AFTPH: variants seen among roughly 807,000 people sequenced by gnomAD.
AFTPH encodes aftiphilin protein.
AFTPH carries 7 observed loss-of-function variants against 72.5 expected under a neutral mutation model. That is an observed-to-expected ratio of 0.10 (90% CI 0.05 to 0.18). The LOEUF (loss-of-function observed/expected upper bound fraction) is 0.18, where lower values mean the gene tolerates loss of function less well. AFTPH is among the 10% of genes least tolerant of loss of function. The pLI is 1.00. For missense variants in AFTPH, 979 were observed against 1,060.5 expected (o/e 0.92, Z 1.07); for synonymous variants, 337 against 370.1 (o/e 0.91, Z 1.03).
At chr2:64,532,383 A>G (rs1260660678) in intron 1 of AFTPH, among the ~76,000 whole-genome samples, 5 of 152,344 alleles carry the variant, frequency 3.3e-5, no homozygotes, top group East Asian at 1.9e-4. Context: ...GGCATGATCA[A>G]ATTTGACTTT....
At chr2:64,552,527 A>T in exon 2 of AFTPH, 1 of 1,614,112 alleles carries the variant, frequency 6.2e-7, no homozygotes, top group Admixed American at 1.7e-5. Flanking sequence ...GGAGAGAACA[A>T]TGTAAAACTG....
intron 8 of AFTPH, among the ~76,000 whole-genome samples, chr2:64,587,616 G>A (rs2104252313): frequency 6.6e-6 from 1 of 152,304 alleles, no homozygotes; most frequent in South Asian, 2.1e-4. Flanking sequence ...TAGACTATAG[G>A]GTAAGAAGGA....
At chr2:64,555,555 T>TCACACACACACACACA (rs111905151) in intron 2 of AFTPH, among the ~76,000 whole-genome samples, 2 of 140,768 alleles carry the variant, frequency 1.4e-5, no homozygotes, top group African/African-American at 5.3e-5. Context: ...AGAGAGACTG[T>TCACACACACACACACA]CACACACACA....
chr2:64,550,522 T>TGTAGG, intron 1 of AFTPH, among the ~76,000 whole-genome samples: 1 of 152,324 alleles, frequency 6.6e-6, no homozygotes, highest in East Asian at 1.9e-4. Flanking sequence ...ATTATAATGA[T>TGTAGG]GTAGAATAGA....
At chr2:64,588,070 C>A (rs1673612368) in intron 8 of AFTPH, among the ~76,000 whole-genome samples, 1 of 152,124 alleles carries the variant, frequency 6.6e-6, no homozygotes, top group Admixed American at 6.5e-5. Context: ...ATTTTTATCA[C>A]CCCAAAAAGA....
At chr2:64,565,609 A>ACCATGAC (rs1451681843) in intron 2 of AFTPH, among the ~76,000 whole-genome samples, 1 of 152,180 alleles carries the variant, frequency 6.6e-6, no homozygotes, top group Non-Finnish European at 1.5e-5. Context: ...CAAGGGGCAA[A>ACCATGAC]CCATGACCCA....
chr2:64,570,807 T>C (rs1672368335), intron 5 of AFTPH, among the ~76,000 whole-genome samples: 1 of 152,092 alleles, frequency 6.6e-6, no homozygotes. Flanking sequence ...GCCAGTTCTG[T>C]GAGGTTTGTG....
chr2:64,524,962 C>G (rs1255764586), intron 1 of AFTPH, among the ~76,000 whole-genome samples: 1 of 152,236 alleles, frequency 6.6e-6, no homozygotes, highest in Non-Finnish European at 1.5e-5. Flanking sequence ...CTCCAGGGAG[C>G]TGTTCAGAAG....
In AFTPH at chr2:64,534,337, T is replaced by C. The variant is rs549453147; in HGVS notation, c.-33+9725T>C. ...TAACTCTTTTTACACTGAACTCTTT[T>C]TATACTTTTTACTATTTTTTGATAA... On this transcript the variant is annotated intron_variant, in intron 1 of 8. Transcript: ENST00000238856. Among the ~76,000 whole-genome samples the C allele has an allele frequency of 5.3e-3, 784 of 146,844 alleles. 9 individuals are homozygous for C. The highest frequency in any genetic ancestry group is 0.021 in the African/African-American group (751 of 36,580).
chr2:64,539,629 G>A (rs1416083934), intron 1 of AFTPH, among the ~76,000 whole-genome samples: 1 of 151,804 alleles, frequency 6.6e-6, no homozygotes, highest in Admixed American at 6.5e-5. Flanking sequence ...AGAGTGGTTA[G>A]TAGAATAAAT....
rs137875160 is a variant in AFTPH at position 64,525,320 on chromosome 2, G to A, written c.-33+708G>A. On this transcript the variant is annotated intron_variant, in intron 1 of 8. Transcript: ENST00000238856. ...GCAGAGGCAGAGTATGGAGTGAGGG[G>A]TGGTAGGGTCCTTGCTCTATTAGGA... Among the ~76,000 whole-genome samples, 702 of 152,350 alleles carry A rather than the reference G, an allele frequency of 4.6e-3. 3 individuals are homozygous for A. The highest frequency in any genetic ancestry group is 0.014 in the African/African-American group (573 of 41,578).
chr2:64,579,926 T>A (rs1673069606), intron 7 of AFTPH: 1 of 169,552 alleles, frequency 5.9e-6, no homozygotes, highest in Admixed American at 6.2e-5. Context: ...AGAGGCTGCT[T>A]CAAAGCACAA....
intron 7 of AFTPH, chr2:64,580,630 G>A (rs1277782440): frequency 6.6e-6 from 1 of 152,518 alleles, no homozygotes; most frequent in Non-Finnish European, 1.5e-5. Context: ...AGAGTTAAAG[G>A]GGAACAGTAC....
At chr2:64,542,859 T>C (rs1385714279) in intron 1 of AFTPH, among the ~76,000 whole-genome samples, 2 of 152,240 alleles carry the variant, frequency 1.3e-5, no homozygotes, top group East Asian at 3.8e-4. Flanking sequence ...GATAGGTTAT[T>C]ATTTTAGCCA....
At chr2:64,569,383 C>G (rs1212036962) in intron 4 of AFTPH, among the ~76,000 whole-genome samples, 165 bp downstream of exon 4, 1 of 152,082 alleles carries the variant, frequency 6.6e-6, no homozygotes, top group East Asian at 1.9e-4. Context: ...ATCAGTCTAC[C>G]TAAATTTTTC....
At chr2:64,571,523 T>C (rs1354795567) in intron 5 of AFTPH, among the ~76,000 whole-genome samples, 1 of 152,240 alleles carries the variant, frequency 6.6e-6, no homozygotes, top group Non-Finnish European at 1.5e-5. Context: ...TTCATTTTTC[T>C]AGCTGCTCGG....
At chr2:64,559,581 C>G (rs1156384601) in intron 2 of AFTPH, among the ~76,000 whole-genome samples, 2 of 152,180 alleles carry the variant, frequency 1.3e-5, no homozygotes, top group Non-Finnish European at 2.9e-5. Context: ...TTCAGGTCTT[C>G]AGCTGATTGG....
At chr2:64,542,322 G>C (rs1670303239) in intron 1 of AFTPH, among the ~76,000 whole-genome samples, 2 of 151,892 alleles carry the variant, frequency 1.3e-5, no homozygotes, top group African/African-American at 4.8e-5. Context: ...AGGGTACCAG[G>C]GATTAACTAT....
exon 1 of AFTPH, chr2:64,524,328 G>T: frequency 2.5e-6 from 1 of 399,662 alleles, no homozygotes; most frequent in East Asian, 3.6e-5. Context: ...CGGTTCCCCC[G>T]CTGCATGATG....
Sources: gnomAD v4.1 joint callset for allele counts (sites outside exome capture counted in the v4.1 genomes callset) on GRCh38, gnomAD v4.1.1 for gene constraint, MANE v1.5 for transcripts, NCBI Gene and HGNC (gene_info 2026-07-23, HGNC 2026-07-21) for gene names.